The following KLHL8 variants were observed in gnomAD, a reference collection of about 807,000 sequenced individuals.
The protein encoded by KLHL8 is kelch-like protein 8.
In KLHL8, 38 loss-of-function variants were observed where a neutral mutation model predicts 63.5. The observed-to-expected ratio is 0.60, with a 90% confidence interval of 0.46 to 0.78. The LOEUF (loss-of-function observed/expected upper bound fraction) is 0.78, where lower values mean the gene tolerates loss of function less well. Among genes scored for constraint, KLHL8 ranks in the 30% least tolerant of loss-of-function variants. The pLI is 0.00. For missense variants in KLHL8, 566 were observed against 752.4 expected (o/e 0.75, Z 2.90); for synonymous variants, 224 against 254.3 (o/e 0.88, Z 1.13).
intron 3 of KLHL8, among the ~76,000 whole-genome samples, chr4:87,184,014 A>G (rs969428698): frequency 1.3e-5 from 2 of 152,172 alleles, no homozygotes; most frequent in Non-Finnish European, 2.9e-5. Flanking sequence ...GAAACCAGGT[A>G]ATGCTATTTT....
chr4:87,219,040 G>A (rs79495393), intron 1 of KLHL8, among the ~76,000 whole-genome samples: 2,355 of 152,290 alleles, frequency 0.015, 102 homozygotes, highest in Admixed American at 0.094. Context: ...CCCGGCCCCT[G>A]AGACACCTCT....
In KLHL8 at chr4:87,185,689, C is replaced by G; in HGVS notation, c.327G>C (p.Glu109Asp). The G allele has an allele frequency of 6.2e-7, 1 of 1,614,160 alleles. No homozygotes were observed. The highest frequency in any genetic ancestry group is 1.3e-5 in the African/African-American group (1 of 75,042). ...EMAEAKQTLI[E>D]IRDFDGDAIE... The stretch of plus-strand genomic sequence containing the variant: ...TTGCATCACCATCAAAATCTCTAAT[C>G]TCAATCAGCGTTTGCTTGGCTTCAG... Residue 109 changes from glutamate to aspartate, a missense_variant, in exon 3 of 10, where the codon GAG becomes GAC. Glu to Asp is a conservative substitution (Grantham distance 45). Coordinates refer to ENST00000273963, the MANE Select transcript of KLHL8 (RefSeq NM_020803.5).
chr4:87,183,303 A>C lies in KLHL8; in HGVS notation c.852T>G (p.Asp284Glu). ...GGTAATTTCTTGCTTCATCCAGTAA[A>C]TCTCTACATTTTAGATTTTGCTTGA... ...QIVKQNLKCRDLLDEARNYHL... is the reference protein window; with the variant it reads ...QIVKQNLKCRELLDEARNYHL... Residue 284 changes from aspartate to glutamate, a missense_variant, in exon 4 of 10, where the codon GAT becomes GAG. Coordinates refer to ENST00000273963, the MANE Select transcript of KLHL8 (RefSeq NM_020803.5). The C allele has an allele frequency of 6.2e-7, 1 of 1,613,630 alleles. No homozygotes were observed. The highest frequency in any genetic ancestry group is 8.5e-7 in the Non-Finnish European group (1 of 1,179,706).
At chr4:87,210,996 C>T (rs565605941) in intron 1 of KLHL8, among the ~76,000 whole-genome samples, 1 of 152,272 alleles carries the variant, frequency 6.6e-6, no homozygotes, top group South Asian at 2.1e-4. Flanking sequence ...CTTATAAGTG[C>T]CTATTCACTA....
In KLHL8 at chr4:87,168,807, TAC is replaced by T. The variant is rs1016497338; in HGVS notation, c.1537+1270_1537+1271del. 2.0e-3 allele frequency among the ~76,000 whole-genome samples: 27 copies of T among 13,346 alleles called. No individual in the cohort carries two copies. The Non-Finnish European group carries it at 0.023, about 12-fold the overall frequency. The allele number at this position is 13,346 out of a possible 152,430, so 8.8% of individuals were successfully genotyped here. A position where few individuals can be genotyped will look rare whatever the true frequency, so the allele number is the denominator to read the frequency against. ...ATACGTATATATACACACATATATA[TAC>T]ACACACATATATATATATCCTTCTT... On this transcript the variant is annotated intron_variant, in intron 8 of 9. Coordinates refer to ENST00000273963, the MANE Select transcript of KLHL8 (RefSeq NM_020803.5).
intron 1 of KLHL8, among the ~76,000 whole-genome samples, chr4:87,209,334 C>T (rs1271167832): frequency 2.0e-5 from 3 of 151,990 alleles, no homozygotes. Flanking sequence ...TAACATGCTA[C>T]AGATGTCCAT....
At chr4:87,187,232 GTTA>G (rs1187927424) in intron 2 of KLHL8, among the ~76,000 whole-genome samples, 6 of 152,036 alleles carry the variant, frequency 3.9e-5, no homozygotes, top group Admixed American at 1.3e-4. Flanking sequence ...CTTGAGTGTT[GTTA>G]TTGTTGTTGT....
chr4:87,221,546 A>G (rs1732853530), upstream of KLHL8, among the ~76,000 whole-genome samples: 1 of 152,140 alleles, frequency 6.6e-6, no homozygotes, highest in Non-Finnish European at 1.5e-5. Context: ...ATATTCCCCT[A>G]AATGTGTCTT....
intron 1 of KLHL8, among the ~76,000 whole-genome samples, chr4:87,235,288 A>G (rs1330114335): frequency 6.6e-6 from 1 of 152,076 alleles, no homozygotes; most frequent in Non-Finnish European, 1.5e-5. Flanking sequence ...TTTATACCGT[A>G]TTTTTAGTGT....
intron 1 of KLHL8, among the ~76,000 whole-genome samples, chr4:87,226,126 CAT>C (rs1239925765): frequency 2.0e-5 from 3 of 152,182 alleles, no homozygotes; most frequent in Non-Finnish European, 4.4e-5. Flanking sequence ...ATTTTTGAAA[CAT>C]GTGCCACATA....
intron 1 of KLHL8, among the ~76,000 whole-genome samples, chr4:87,233,662 A>G (rs907970014): frequency 6.6e-6 from 1 of 152,134 alleles, no homozygotes; most frequent in African/African-American, 2.4e-5. Context: ...TTTGAGAAAT[A>G]TTTCCTATTT....
chr4:87,232,049 A>G (rs548501112), intron 1 of KLHL8, among the ~76,000 whole-genome samples: 1 of 152,350 alleles, frequency 6.6e-6, no homozygotes, highest in South Asian at 2.1e-4. Flanking sequence ...ATAATTATAC[A>G]TTTCCTATAC....
chr4:87,202,660 T>C (rs1731966946), intron 1 of KLHL8, among the ~76,000 whole-genome samples: 1 of 152,160 alleles, frequency 6.6e-6, no homozygotes, highest in Non-Finnish European at 1.5e-5. Flanking sequence ...AGCATTGCTA[T>C]AACTATTAAA....
intron 1 of KLHL8, among the ~76,000 whole-genome samples, chr4:87,230,136 G>A (rs1733109272): frequency 6.6e-6 from 1 of 152,194 alleles, no homozygotes; most frequent in South Asian, 2.1e-4. Flanking sequence ...TTCTGAGCTA[G>A]TAAGAGAGCG....
intron 1 of KLHL8, among the ~76,000 whole-genome samples, chr4:87,214,456 A>ATATATG (rs1732522432): frequency 8.5e-6 from 1 of 118,128 alleles, no homozygotes; most frequent in Non-Finnish European, 1.7e-5. Flanking sequence ...ATATATATAT[A>ATATATG]TATAATTGTC....
intron 1 of KLHL8, among the ~76,000 whole-genome samples, chr4:87,227,869 G>A (rs6835257): frequency 0.029 from 4,372 of 152,192 alleles, 203 homozygotes; most frequent in African/African-American, 0.1. Context: ...GCATACAGAG[G>A]TGCATGTGTA....
intron 1 of KLHL8, among the ~76,000 whole-genome samples, chr4:87,229,883 A>G (rs988879863): frequency 1.3e-5 from 2 of 152,054 alleles, no homozygotes; most frequent in African/African-American, 4.8e-5. Context: ...GGTGCCCGCC[A>G]CCACCTACCC....
At chr4:87,221,073 A>C (rs912086169), upstream of KLHL8, 1 of 152,236 alleles carries the variant, frequency 6.6e-6, no homozygotes, top group African/African-American at 2.4e-5. Flanking sequence ...CTAAGGAAGC[A>C]GTTGATTGAC....
intron 1 of KLHL8, among the ~76,000 whole-genome samples, chr4:87,211,075 C>G (rs1578399007): frequency 6.6e-6 from 1 of 152,184 alleles, no homozygotes; most frequent in Non-Finnish European, 1.5e-5. Context: ...TGCTATTACT[C>G]CCATGTTCAG....
Sources: allele counts gnomAD v4.1 joint callset (sites outside exome capture counted in the v4.1 genomes callset), GRCh38; gene constraint gnomAD v4.1.1; transcripts MANE v1.5; gene names NCBI Gene and HGNC (gene_info 2026-07-23, HGNC 2026-07-21).